The following VASH1 variants were observed in gnomAD, a reference collection of about 807,000 sequenced individuals.
VASH1 encodes the protein tubulinyl-Tyr carboxypeptidase 1.
Under a neutral mutation model 35.0 loss-of-function variants are expected in VASH1, and 16 were observed. That is an observed-to-expected ratio of 0.46 (90% CI 0.31 to 0.70). The LOEUF is 0.70. VASH1 is among the 30% of genes least tolerant of loss of function. The pLI is 0.05. For synonymous variants in VASH1, 214 were observed against 200.9 expected (o/e 1.07, Z -0.55); for missense variants, 505 against 510.7 (o/e 0.99, Z 0.11).
At chr14:76,769,040 A>T (rs1893720074) in intron 1 of VASH1, among the ~76,000 whole-genome samples, 1 of 152,308 alleles carries the variant, frequency 6.6e-6, no homozygotes, top group Non-Finnish European at 1.5e-5. Flanking sequence ...GTTGGCAGCC[A>T]AACTGCCAGA....
At chr14:76,763,313 C>T (rs2270325) in intron 1 of VASH1, among the ~76,000 whole-genome samples, 183 bp downstream of exon 1, 51,180 of 152,030 alleles carry the variant, frequency 0.34, 8,961 homozygotes, top group Middle Eastern at 0.46. Context: ...AGGAGGGAGG[C>T]TCACATACAT....
In VASH1 at chr14:76,766,414, A is replaced by T. The variant is rs146403231; in HGVS notation, c.309+3284A>T. 2.6e-4 allele frequency among the ~76,000 whole-genome samples: 39 copies of T among 150,468 alleles called. 2 individuals carry two copies. The East Asian group carries it at 7.4e-3, about 29-fold the overall frequency. Reference sequence around the variant, plus strand: ...GAATGGGAATTTGGACATCTCCTCTAGCTACTTATTATGACTCCAGAGTGC... The same window carrying T: ...GAATGGGAATTTGGACATCTCCTCTTGCTACTTATTATGACTCCAGAGTGC... On this transcript the variant is annotated intron_variant, in intron 1 of 6. Coordinates refer to ENST00000167106, the MANE Select transcript of VASH1 (RefSeq NM_014909.5).
chr14:76,771,897 G>C (rs1448067277), intron 3 of VASH1, among the ~76,000 whole-genome samples: 1 of 152,240 alleles, frequency 6.6e-6, no homozygotes, highest in Non-Finnish European at 1.5e-5. Flanking sequence ...GCTGGGTCTA[G>C]GGGCTCTGCC....
Position 76,778,071 on chromosome 14 carries a change from G to A in VASH1, c.1025G>A (p.Arg342Gln). 6.8e-7 allele frequency: 1 copy of A among 1,479,248 alleles called. No homozygotes were observed. The highest frequency in any genetic ancestry group is 1.5e-5 in the African/African-American group (1 of 68,382). The allele number at this position is 1,479,248 out of a possible 1,614,324, so 91.6% of individuals were successfully genotyped here. A position where few individuals can be genotyped will look rare whatever the true frequency, so the allele number is the denominator to read the frequency against. Residue 342 changes from arginine to glutamine, a missense_variant and splice_region_variant, in exon 6 of 7, where the codon CGG becomes CAG. By Grantham distance (43) the Arg-to-Gln change is conservative. Transcript: ENST00000167106. Reference sequence around the variant, plus strand: ...CGCAGGAACAGCCGCAGTGAAAGACGGTGAGAGAGGGACCACGCCTGGGTG... The same window carrying A: ...CGCAGGAACAGCCGCAGTGAAAGACAGTGAGAGAGGGACCACGCCTGGGTG... ...PHRRNSRSERRPSGDKKTSEP... is the reference protein window; with the variant it reads ...PHRRNSRSERQPSGDKKTSEP...
chr14:76,779,645 GC>G lies in VASH1; in HGVS notation c.*632del. On this transcript the variant is annotated 3_prime_UTR_variant, in exon 7 of 7. Coordinates refer to ENST00000167106, the MANE Select transcript of VASH1 (RefSeq NM_014909.5). ...TCAGGAGAGCCTTCAGGCCCTTGAG[GC>G]CCCCATGGGCAGTGCTGTGTGGGCA... 1.6e-6 allele frequency: 1 copy of G among 608,908 alleles called. No individual in the cohort carries two copies. The highest frequency in any genetic ancestry group is 2.9e-6 in the Non-Finnish European group (1 of 341,718). The allele number at this position is 608,908 out of a possible 1,614,324, so 37.7% of individuals were successfully genotyped here.
At chr14:76,766,325 C>A (rs532238997) in intron 1 of VASH1, among the ~76,000 whole-genome samples, 1 of 152,220 alleles carries the variant, frequency 6.6e-6, no homozygotes, top group African/African-American at 2.4e-5. Flanking sequence ...TGGCCACTGA[C>A]CCCAGACCCA....
intron 1 of VASH1, chr14:76,769,751 T>C: frequency 1.6e-6 from 1 of 614,036 alleles, no homozygotes; most frequent in Non-Finnish European, 2.8e-6. Flanking sequence ...AGGAATGCTG[T>C]TAAGTCCCAG....
chr14:76,765,873 C>T (rs1893629589), intron 1 of VASH1, among the ~76,000 whole-genome samples: 1 of 152,224 alleles, frequency 6.6e-6, no homozygotes, highest in Non-Finnish European at 1.5e-5. Context: ...TTGCCCGGCC[C>T]CTGCATGTGG....
At chr14:76,775,320 G>A (rs924422116) in intron 4 of VASH1, among the ~76,000 whole-genome samples, 11 of 152,126 alleles carry the variant, frequency 7.2e-5, no homozygotes, top group African/African-American at 2.2e-4. Context: ...GGGAGGCCCC[G>A]GGGGCTGGAG....
At position 76,765,869 on chromosome 14, in the gene VASH1, G is replaced by A. The variant is rs1595267770; in HGVS notation, c.309+2739G>A. 2.6e-5 allele frequency among the ~76,000 whole-genome samples: 4 copies of A among 152,102 alleles called. No homozygotes were observed. The South Asian group carries it at 8.3e-4, about 31-fold the overall frequency. On this transcript the variant is annotated intron_variant, in intron 1 of 6. Coordinates refer to ENST00000167106, the MANE Select transcript of VASH1 (RefSeq NM_014909.5). The stretch of plus-strand genomic sequence containing the variant: ...CCTGCCCCGTGTATGTTACTTGCCC[G>A]GCCCCTGCATGTGGTTGAGTCTGGG...
At chr14:76,767,785 AGGAGCTAGCCTCG>A (rs1893683485) in intron 1 of VASH1, among the ~76,000 whole-genome samples, 1 of 152,240 alleles carries the variant, frequency 6.6e-6, no homozygotes, top group Admixed American at 6.5e-5. Context: ...ACATGAGTCA[AGGAGCTAGCCTCG>A]GTGATGGTGG....
intron 4 of VASH1, chr14:76,774,729 C>G (rs1344050395): frequency 6.6e-6 from 1 of 152,342 alleles, no homozygotes; most frequent in Non-Finnish European, 1.5e-5. Flanking sequence ...TCCTTGGTCA[C>G]TTACAAGGAG....
chr14:76,763,694 GGGT>G (rs1359040489), intron 1 of VASH1, among the ~76,000 whole-genome samples: 1 of 152,190 alleles, frequency 6.6e-6, no homozygotes, highest in Non-Finnish European at 1.5e-5. Flanking sequence ...GAAGGGCGGG[GGGT>G]GGTGGTGGAG....
chr14:76,781,113 T>G lies in VASH1; in HGVS notation c.*2095T>G, dbSNP rs186728290. 1.2e-4 allele frequency: 18 copies of G among 152,384 alleles called. No individual in the cohort carries two copies. Among genetic ancestry groups the G allele is most frequent in the Non-Finnish European group, 2.2e-4 (15 of 68,080 alleles). The allele number at this position is 152,384 out of a possible 1,614,324, so 9.4% of individuals were successfully genotyped here. A position where few individuals can be genotyped will look rare whatever the true frequency, so the allele number is the denominator to read the frequency against. ...GGATGCCTTTGCTGATGAGAGTGCC[T>G]GTCAGGGAAGGCGCCACAGGCTGGC... On this transcript the variant is annotated 3_prime_UTR_variant, in exon 7 of 7. Coordinates refer to ENST00000167106, the MANE Select transcript of VASH1 (RefSeq NM_014909.5).
rs200045558 is a variant in VASH1, at chr14:76,775,992, T to C, written c.631T>C (p.Phe211Leu). The C allele has an allele frequency of 4.4e-5, 71 of 1,612,374 alleles. No individual in the cohort carries two copies. Among genetic ancestry groups the C allele is most frequent in the East Asian group, 8.9e-5 (4 of 44,832 alleles). ...CCGCCACATCGTGCTGGGGGTGAAC[T>C]TCGCGGGCCGCTACGGTGCGCTGGG... ...YFRHIVLGVN[F>L]AGRYGALGMS... Residue 211 changes from phenylalanine to leucine, a missense_variant, in exon 5 of 7, where the codon TTC (phenylalanine) becomes CTC (leucine). By Grantham distance (22) the Phe-to-Leu change is conservative. Coordinates refer to ENST00000167106, the MANE Select transcript of VASH1 (RefSeq NM_014909.5).
At chr14:76,778,155 C>A in intron 6 of VASH1, 84 bp downstream of exon 6, 5 of 960,270 alleles carry the variant, frequency 5.2e-6, no homozygotes, top group Non-Finnish European at 7.1e-6. Flanking sequence ...TTTTTTTTAT[C>A]TCTCTCCCAC....
chr14:76,770,031 G>T lies in VASH1; in HGVS notation c.378G>T (p.Gln126His), dbSNP rs1366482465. The T allele has an allele frequency of 6.2e-7, 1 of 1,613,970 alleles. No homozygotes were observed. The highest frequency in any genetic ancestry group is 1.3e-5 in the African/African-American group (1 of 74,946). ...TCCCTGAGCGCCTGGAAGCTGTGCAGCGCTACATCAGAGAGCTGCAGTATC... is the reference window on the plus strand; with the variant it reads ...TCCCTGAGCGCCTGGAAGCTGTGCATCGCTACATCAGAGAGCTGCAGTATC... ...TPVPERLEAV[Q>H]RYIRELQYNH... Residue 126 changes from glutamine to histidine, a missense_variant, in exon 2 of 7, where the codon CAG (glutamine) becomes CAT (histidine). By Grantham distance (24) the Gln-to-His change is conservative. Transcript: ENST00000167106.
chr14:76,770,080 A>AGAAGGTGG, intron 2 of VASH1, 29 bp downstream of exon 2: 1 of 1,602,274 alleles, frequency 6.2e-7, no homozygotes, highest in Non-Finnish European at 8.5e-7. Flanking sequence ...GGTCATGGCC[A>AGAAGGTGG]CCTTCTGGCC....
At chr14:76,763,752 A>G (rs1209913681) in intron 1 of VASH1, among the ~76,000 whole-genome samples, 1 of 152,174 alleles carries the variant, frequency 6.6e-6, no homozygotes, top group Non-Finnish European at 1.5e-5. Context: ...AGATTCAAGC[A>G]CATTAGAAGA....
Sources: allele counts gnomAD v4.1 joint callset (sites outside exome capture counted in the v4.1 genomes callset), GRCh38; gene constraint gnomAD v4.1.1; transcripts MANE v1.5; gene names NCBI Gene and HGNC (gene_info 2026-07-23, HGNC 2026-07-21).